The following RPRD2 variants were observed in gnomAD, a reference collection of about 807,000 sequenced individuals.
RPRD2 encodes regulation of nuclear pre-mRNA domain containing 2, also known as regulation of nuclear pre-mRNA domain-containing protein 2.
In RPRD2, 12 loss-of-function variants were observed where a neutral mutation model predicts 104.4. The observed-to-expected ratio is 0.11, with a 90% confidence interval of 0.07 to 0.19. The LOEUF is 0.19. RPRD2 is among the 10% of genes least tolerant of loss of function. The probability of loss-of-function intolerance (pLI) is 1.00; values close to 1 mark genes in which losing one functional copy is unlikely to be tolerated. For missense variants in RPRD2, 1,543 were observed against 1,790.1 expected (o/e 0.86, Z 2.49); for synonymous variants, 714 against 684.9 (o/e 1.04, Z -0.66).
chr1:150,405,329 C>G (rs1189090143), intron 1 of RPRD2, among the ~76,000 whole-genome samples: 2 of 152,022 alleles, frequency 1.3e-5, no homozygotes, highest in Non-Finnish European at 2.9e-5. Context: ...TTACTCAGGA[C>G]TTGGCTTCTA....
At chr1:150,427,943 A>C (rs984133667) in intron 2 of RPRD2, among the ~76,000 whole-genome samples, 2 of 152,200 alleles carry the variant, frequency 1.3e-5, no homozygotes, top group African/African-American at 2.4e-5. Context: ...AAAATATTTG[A>C]AGAAAATATA....
chr1:150,450,699 C>T (rs2102385605), intron 7 of RPRD2, among the ~76,000 whole-genome samples: 1 of 151,298 alleles, frequency 6.6e-6, no homozygotes, highest in South Asian at 2.1e-4. Context: ...CGGCTCACTG[C>T]AACCCCCGCC....
chr1:150,382,155 C>T (rs1204929010), intron 1 of RPRD2, among the ~76,000 whole-genome samples: 1 of 152,084 alleles, frequency 6.6e-6, no homozygotes, highest in African/African-American at 2.4e-5. Flanking sequence ...ATTAATCCTG[C>T]GTACTCTATG....
chr1:150,430,137 C>G (rs12726415), intron 2 of RPRD2, among the ~76,000 whole-genome samples: 33,732 of 152,066 alleles, frequency 0.22, 4,255 homozygotes, highest in African/African-American at 0.32. Flanking sequence ...CCACAATTGA[C>G]AATCCATCGA....
chr1:150,467,570 C>T (rs973472564), intron 10 of RPRD2, among the ~76,000 whole-genome samples: 15 of 151,920 alleles, frequency 9.9e-5, no homozygotes, highest in Non-Finnish European at 2.2e-4. Flanking sequence ...CACGGGGTTT[C>T]GCCATGTTGG....
At chr1:150,429,442 C>A (rs936583135) in intron 2 of RPRD2, among the ~76,000 whole-genome samples, 3 of 151,928 alleles carry the variant, frequency 2.0e-5, no homozygotes, top group Non-Finnish European at 4.4e-5. Context: ...GCAGCCTTGA[C>A]CTCTGGGTTT....
chr1:150,471,211 A>G lies in RPRD2; in HGVS notation c.2263A>G (p.Lys755Glu). The change falls in exon 11 of 11, where the codon AAG becomes GAG. Residue 755 changes from lysine to glutamate, a missense_variant. This residue lies in a region of RPRD2 where 572 missense variants were observed against 787.3 expected (regional missense o/e 0.73). Coordinates refer to ENST00000369068, the MANE Select transcript of RPRD2 (RefSeq NM_015203.5). This position sits in a 1 kb window ranked among gnomAD's most constrained non-coding sequence, Gnocchi z 5.3. Reference sequence around the variant, plus strand: ...TGTAGATACTATGTCCCTGCTTTCTAAGATCATTAGCCCTGGTTCCTCAAC... The same window carrying G: ...TGTAGATACTATGTCCCTGCTTTCTGAGATCATTAGCCCTGGTTCCTCAAC... ...SSVDTMSLLS[K>E]IISPGSSTPS... The G allele has an allele frequency of 6.2e-7, 1 of 1,613,792 alleles. No individual in the cohort carries two copies. The highest frequency in any genetic ancestry group is 8.5e-7 in the Non-Finnish European group (1 of 1,179,840).
chr1:150,410,101 C>A (rs942352272), intron 1 of RPRD2, among the ~76,000 whole-genome samples: 1 of 152,096 alleles, frequency 6.6e-6, no homozygotes, highest in Non-Finnish European at 1.5e-5. Flanking sequence ...CAAGGACTCA[C>A]CCAGGTGTGT....
rs587638551 is a variant in RPRD2, at chr1:150,473,972, T to A, written c.*638T>A. 1.3e-5 allele frequency: 2 copies of A among 152,334 alleles called. No homozygotes were observed. Among genetic ancestry groups the A allele is most frequent in the African/African-American group, 4.8e-5 (2 of 41,562 alleles). The allele number at this position is 152,334 out of a possible 1,614,324, so 9.4% of individuals were successfully genotyped here. On this transcript the variant is annotated 3_prime_UTR_variant, in exon 11 of 11. Transcript: ENST00000369068. The stretch of plus-strand genomic sequence containing the variant: ...TTTACCCTTCTCCTAAAATCTTTTT[T>A]TAATCAGCCTCAAGGTTAAAATAAG...
At chr1:150,382,708 T>G (rs1661229264) in intron 1 of RPRD2, among the ~76,000 whole-genome samples, 2 of 152,092 alleles carry the variant, frequency 1.3e-5, no homozygotes, top group African/African-American at 4.8e-5. Flanking sequence ...CGGTGGTACT[T>G]GCCTATAGTC....
At chr1:150,467,758 TG>T (rs1035320389) in intron 10 of RPRD2, among the ~76,000 whole-genome samples, 47 of 152,302 alleles carry the variant, frequency 3.1e-4, no homozygotes, top group African/African-American at 1.0e-3. Flanking sequence ...TTAAAAGGAT[TG>T]TATCTAGCAA....
At chr1:150,425,598 G>A (rs1665068756) in intron 2 of RPRD2, among the ~76,000 whole-genome samples, 1 of 151,354 alleles carries the variant, frequency 6.6e-6, no homozygotes, top group Non-Finnish European at 1.5e-5. Flanking sequence ...TGCCGAGATT[G>A]CATCATTGCA....
rs782498763 is a variant in RPRD2, at chr1:150,401,100, C to CT, written c.206-16496_206-16495insT. ...CTGAGGCAGGAGAATGGTGTGAACC[C>CT]GGGAAGGTGGAGCTTGCAGTGAGCC... On this transcript the variant is annotated intron_variant, in intron 1 of 10. Coordinates refer to ENST00000369068, the MANE Select transcript of RPRD2 (RefSeq NM_015203.5). 2.6e-5 allele frequency among the ~76,000 whole-genome samples: 4 copies of CT among 151,874 alleles called. No individual in the cohort carries two copies. In the East Asian group the frequency reaches 5.8e-4, roughly 22 times the overall value.
intron 4 of RPRD2, among the ~76,000 whole-genome samples, chr1:150,442,546 T>C (rs931480849): frequency 7.9e-5 from 12 of 152,052 alleles, no homozygotes; most frequent in African/African-American, 2.4e-4. Context: ...TGAGAGAGAC[T>C]TGAAGGTGTG....
Position 150,473,273 on chromosome 1 carries a change from C to T in RPRD2, c.4325C>T (p.Pro1442Leu). 1 of 1,613,852 alleles carries T rather than the reference C, an allele frequency of 6.2e-7. No homozygotes were observed. The highest frequency in any genetic ancestry group is 1.1e-5 in the South Asian group (1 of 91,078). ...PFHSLKRPRP[P>L]FARGPPFFAP... ...CACAGTTTAAAGAGACCCAGGCCAC[C>T]TTTTGCTAGGGGCCCTCCGTTCTTT... The change falls in exon 11 of 11, where the codon CCT becomes CTT. Residue 1442 changes from proline to leucine, a missense_variant. Pro to Leu is a moderately conservative substitution (Grantham distance 98, BLOSUM62 -3). This residue lies in a region of RPRD2 where 880 missense variants were observed against 885.6 expected (regional missense o/e 0.99). Coordinates refer to ENST00000369068, the MANE Select transcript of RPRD2 (RefSeq NM_015203.5).
chr1:150,435,226 T>TC (rs1553892876), intron 2 of RPRD2, among the ~76,000 whole-genome samples: 1 of 152,166 alleles, frequency 6.6e-6, no homozygotes, highest in African/African-American at 2.4e-5. Context: ...AACCCACCAT[T>TC]CCCCATCTCT....
intron 1 of RPRD2, among the ~76,000 whole-genome samples, chr1:150,381,291 G>A (rs370962901): frequency 5.9e-5 from 9 of 151,454 alleles, no homozygotes; most frequent in East Asian, 5.9e-4. Flanking sequence ...ACATGGTGGC[G>A]CGTACCTGCA....
chr1:150,406,824 C>T (rs1229431103), intron 1 of RPRD2, among the ~76,000 whole-genome samples: 1 of 152,170 alleles, frequency 6.6e-6, no homozygotes, highest in African/African-American at 2.4e-5. Context: ...AAGTGATTCT[C>T]CTGGCTCAAC....
At chr1:150,368,744 G>A (rs1452304292) in intron 1 of RPRD2, among the ~76,000 whole-genome samples, 1 of 151,878 alleles carries the variant, frequency 6.6e-6, no homozygotes, top group Non-Finnish European at 1.5e-5. Flanking sequence ...GGGATTACAG[G>A]TGTGAGCCGC....
Sources: gnomAD v4.1 joint callset for allele counts (sites outside exome capture counted in the v4.1 genomes callset) on GRCh38, gnomAD v4.1.1 for gene constraint, gnomAD v4.1.1 regional missense constraint, Gnocchi (gnomAD v3.1) non-coding constraint, MANE v1.5 for transcripts, NCBI Gene and HGNC (gene_info 2026-07-23, HGNC 2026-07-21) for gene names.